PTGES3: variants seen among roughly 807,000 people sequenced by gnomAD.
PTGES3 encodes the protein Hsp90 co-chaperone.
In PTGES3, 5 loss-of-function variants were observed where a neutral mutation model predicts 29.9. The ratio of observed to expected loss-of-function variants is 0.17; its 90% CI spans 0.09 to 0.35. The LOEUF is 0.35. Ranked by LOEUF, PTGES3 falls within the 10% of genes least tolerant of loss-of-function variation. PTGES3 has a pLI of 1.00. For synonymous variants in PTGES3, 49 were observed against 57.8 expected, an observed-to-expected ratio of 0.85 and a Z score of 0.69; for missense variants, 128 against 190.0, an observed-to-expected ratio of 0.67 and a Z score of 1.92.
At chr12:56,681,635 G>A (rs1952548617) in intron 1 of PTGES3, among the ~76,000 whole-genome samples, 1 of 151,134 alleles carries the variant, frequency 6.6e-6, no homozygotes, top group Non-Finnish European at 1.5e-5. Context: ...ATCTCCTGAG[G>A]TCAGGAATTT....
intron 1 of PTGES3, among the ~76,000 whole-genome samples, chr12:56,681,094 G>GT (rs377498177): frequency 6.8e-4 from 103 of 151,472 alleles, no homozygotes; most frequent in Middle Eastern, 3.4e-3. Flanking sequence ...GTTGTGTTTT[G>GT]TTTTTTTGTT....
intron 1 of PTGES3, among the ~76,000 whole-genome samples, chr12:56,681,367 T>C (rs1226351787): frequency 6.7e-6 from 1 of 149,272 alleles, no homozygotes; most frequent in Non-Finnish European, 1.5e-5. Context: ...TGAAACCCCG[T>C]CTCTACTAAA....
At chr12:56,672,905 T>C (rs1371951178) in intron 2 of PTGES3, 47 bp downstream of exon 2, 2 of 1,560,546 alleles carry the variant, frequency 1.3e-6, no homozygotes, top group African/African-American at 1.4e-5. Flanking sequence ...AGTTATTCAG[T>C]TGTGTGAATG....
chr12:56,665,166 T>G, intron 6 of PTGES3: 1 of 985,246 alleles, frequency 1.0e-6, no homozygotes, highest in Non-Finnish European at 1.2e-6. Context: ...GAATATTAAG[T>G]GTTTTTCTAA....
chr12:56,665,004 A>C (rs1951733495), intron 6 of PTGES3: 2 of 985,416 alleles, frequency 2.0e-6, no homozygotes, highest in Non-Finnish European at 1.2e-6. Context: ...TCTACCTATA[A>C]AAAATGATGT....
At chr12:56,674,912 G>C (rs1271405648) in intron 1 of PTGES3, among the ~76,000 whole-genome samples, 2 of 141,504 alleles carry the variant, frequency 1.4e-5, no homozygotes, top group Non-Finnish European at 3.0e-5. Context: ...GCTGAGTCAG[G>C]AGAATCGCTT....
In PTGES3 at chr12:56,670,339, T is replaced by C. The variant is rs747223970; in HGVS notation, c.311A>G (p.Asn104Ser). Reference protein sequence around the residue: ...AKLNWLSVDFNNWKDWEDDSD... With the variant: ...AKLNWLSVDFSNWKDWEDDSD... ...ATCATCTTCCCAGTCTTTCCAATTATTGAAGTCGACACTAAGCCAATTAAG... is the reference window on the plus strand; with the variant it reads ...ATCATCTTCCCAGTCTTTCCAATTACTGAAGTCGACACTAAGCCAATTAAG... The change falls in exon 5 of 8, where the codon AAT becomes AGT. Residue 104 changes from asparagine to serine, a missense_variant. Coordinates refer to ENST00000262033, the MANE Select transcript of PTGES3 (RefSeq NM_006601.7). 4 of 1,613,248 alleles carry C rather than the reference T, an allele frequency of 2.5e-6. No homozygotes were observed. The highest frequency in any genetic ancestry group is 2.7e-5 in the African/African-American group (2 of 75,040).
intron 1 of PTGES3, among the ~76,000 whole-genome samples, chr12:56,674,152 G>A (rs951421154): frequency 6.6e-6 from 1 of 152,174 alleles, no homozygotes; most frequent in Admixed American, 6.6e-5. Flanking sequence ...TGTATTTGGA[G>A]AAAGTGTCTT....
intron 1 of PTGES3, among the ~76,000 whole-genome samples, chr12:56,681,609 G>A (rs1208754410): frequency 2.0e-5 from 3 of 150,792 alleles, no homozygotes; most frequent in Non-Finnish European, 4.4e-5. Context: ...AGCACTTTGG[G>A]AGGCCAAGGC....
At chr12:56,683,251 G>A (rs974293331) in intron 1 of PTGES3, among the ~76,000 whole-genome samples, 5 of 151,482 alleles carry the variant, frequency 3.3e-5, no homozygotes, top group Non-Finnish European at 7.4e-5. Flanking sequence ...TTCTGAGGCC[G>A]AGGCGGGTGA....
intron 1 of PTGES3, 102 bp downstream of exon 1, chr12:56,687,896 C>T: frequency 1.9e-6 from 3 of 1,592,498 alleles, no homozygotes; most frequent in Non-Finnish European, 1.7e-6. Context: ...GGAACGACTG[C>T]CACCACCGAT....
rs1951708454 is a variant in PTGES3 at position 56,664,171 on chromosome 12, T to A, written c.*308A>T. 1 of 244,494 alleles carries A rather than the reference T, an allele frequency of 4.1e-6. No homozygotes were observed. Among genetic ancestry groups the A allele is most frequent in the African/African-American group, 2.3e-5 (1 of 42,930 alleles). The allele number at this position is 244,494 out of a possible 1,614,324, so 15.1% of individuals were successfully genotyped here. On this transcript the variant is annotated 3_prime_UTR_variant, in exon 8 of 8. Coordinates refer to ENST00000262033, the MANE Select transcript of PTGES3 (RefSeq NM_006601.7). Reference sequence around the variant, plus strand: ...ATCTATGTTATGAAGAAAAGGAGACTTAGGTGAGATGTTTTTATTTATCGC... The same window carrying A: ...ATCTATGTTATGAAGAAAAGGAGACATAGGTGAGATGTTTTTATTTATCGC...
intron 1 of PTGES3, 87 bp downstream of exon 1, chr12:56,687,911 G>A: frequency 3.8e-6 from 6 of 1,599,598 alleles, no homozygotes; most frequent in South Asian, 1.1e-5. Flanking sequence ...ACCGATGCGA[G>A]AAAGGCTAGG....
At chr12:56,678,323 G>A (rs2137673365) in intron 1 of PTGES3, among the ~76,000 whole-genome samples, 1 of 151,978 alleles carries the variant, frequency 6.6e-6, no homozygotes, top group East Asian at 1.9e-4. Flanking sequence ...GATTACAGGC[G>A]CCCGCCACCA....
At chr12:56,673,783 C>G (rs1952102859) in intron 1 of PTGES3, among the ~76,000 whole-genome samples, 1 of 89,622 alleles carries the variant, frequency 1.1e-5, no homozygotes, top group Admixed American at 1.5e-4. Context: ...CAGAGCGAGA[C>G]TGTCTCAAAA....
In PTGES3 at chr12:56,683,473, C is replaced by CAAAAAAAAAAAAAAAAAAAA. The variant is rs71081388; in HGVS notation, c.2+4505_2+4524dup. Among the ~76,000 whole-genome samples the CAAAAAAAAAAAAAAAAAAAA allele has an allele frequency of 2.4e-4, 7 of 29,760 alleles. 1 individual carries two copies. The highest frequency in any genetic ancestry group is 6.6e-4 in the Admixed American group (1 of 1,524). 19.5% of individuals were successfully genotyped at this position (29,760 alleles called of 152,430 possible). On this transcript the variant is annotated intron_variant, in intron 1 of 7. Coordinates refer to ENST00000262033, the MANE Select transcript of PTGES3 (RefSeq NM_006601.7). ...GGGCAACAAGAGAGAAACTCTGTCT[C>CAAAAAAAAAAAAAAAAAAAA]AAAAAAAAAAAAAAAAAAAAAAAAA... is the stretch of plus-strand genomic sequence containing the variant.
intron 1 of PTGES3, among the ~76,000 whole-genome samples, chr12:56,685,077 C>A (rs893240870): frequency 6.6e-6 from 1 of 151,142 alleles, no homozygotes; most frequent in Non-Finnish European, 1.5e-5. Context: ...GCACTCCAGC[C>A]TGGGTGACAG....
Position 56,688,261 on chromosome 12 carries a change from T to A in PTGES3, c.-262A>T. ...CGCGAGGACGGAGAATGAACGTGCGTGCGTGCAAACGAGGGGTGGTGAGGC... is the reference window on the plus strand; with the variant it reads ...CGCGAGGACGGAGAATGAACGTGCGAGCGTGCAAACGAGGGGTGGTGAGGC... On this transcript the variant is annotated 5_prime_UTR_variant, in exon 1 of 8. Coordinates refer to ENST00000262033, the MANE Select transcript of PTGES3 (RefSeq NM_006601.7). 1 of 561,352 alleles carries A rather than the reference T, an allele frequency of 1.8e-6. No homozygotes were observed. Among genetic ancestry groups the A allele is most frequent in the Non-Finnish European group, 2.8e-6 (1 of 354,318 alleles). The allele number at this position is 561,352 out of a possible 1,614,324, so 34.8% of individuals were successfully genotyped here. A position where few individuals can be genotyped will look rare whatever the true frequency, so the allele number is the denominator to read the frequency against.
intron 1 of PTGES3, among the ~76,000 whole-genome samples, chr12:56,679,689 G>A (rs959951859): frequency 4.0e-5 from 6 of 151,566 alleles, no homozygotes; most frequent in East Asian, 1.9e-4. Context: ...TTTTTTAGAC[G>A]GAGTCTCACT....
Sources: allele counts gnomAD v4.1 joint callset (sites outside exome capture counted in the v4.1 genomes callset), GRCh38; gene constraint gnomAD v4.1.1; transcripts MANE v1.5; gene names NCBI Gene and HGNC (gene_info 2026-07-23, HGNC 2026-07-21).